DIAPH2: variants seen among roughly 807,000 people sequenced by gnomAD.
DIAPH2 encodes diaphanous related formin 2, also known as protein diaphanous homolog 2.
Under a neutral mutation model 92.7 loss-of-function variants are expected in DIAPH2, and 35 were observed. The observed-to-expected ratio is 0.38, with a 90% CI of 0.29 to 0.50. DIAPH2 has a LOEUF of 0.50. DIAPH2 is among the 20% of genes least tolerant of loss of function. The pLI is 0.94. For missense variants in DIAPH2, 701 were observed against 819.5 expected (o/e 0.86, Z 1.77); for synonymous variants, 301 against 280.4 (o/e 1.07, Z -0.73).
At chrX:97,053,706 T>G (rs139390573) in intron 17 of DIAPH2, among the ~76,000 whole-genome samples, 3 of 111,722 alleles carry the variant, frequency 2.7e-5, no homozygotes, top group African/African-American at 9.7e-5. Context: ...TTTCACACAA[T>G]TCTTCCCTTC....
chrX:97,108,887 G>A (rs2066960453), intron 20 of DIAPH2, among the ~76,000 whole-genome samples: 1 of 111,155 alleles, frequency 9.0e-6, no homozygotes, highest in Non-Finnish European at 1.9e-5. Context: ...GGGTTTGGGG[G>A]AAAAGATAAG....
intron 4 of DIAPH2, among the ~76,000 whole-genome samples, chrX:96,810,538 C>T (rs1281711395): frequency 6.3e-5 from 7 of 111,598 alleles, no homozygotes; most frequent in Non-Finnish European, 1.3e-4. Context: ...TCCCATTTGT[C>T]AATTTTGGCT....
intron 5 of DIAPH2, among the ~76,000 whole-genome samples, chrX:96,891,652 A>G (rs886704646): frequency 8.9e-6 from 1 of 112,447 alleles, no homozygotes; most frequent in Admixed American, 9.4e-5. Flanking sequence ...AGCACATGAC[A>G]AAAACAGCAA....
rs187831374 is a variant in DIAPH2 at position 96,919,915 on chromosome X, A to G, written c.978+1298A>G. ...TATTTATTTATTAAGATGGAGTCTC[A>G]CTCTGTTGCTCAGGCTGGAGTGCGA... On this transcript the variant is annotated intron_variant, in intron 9 of 26. Coordinates refer to ENST00000324765, the MANE Select transcript of DIAPH2 (RefSeq NM_006729.5). 6.8e-3 allele frequency among the ~76,000 whole-genome samples: 727 copies of G among 107,455 alleles called. 7 individuals are homozygous for G. The highest frequency in any genetic ancestry group is 0.024 in the African/African-American group (704 of 29,501). 93.3% of individuals were successfully genotyped at this position (107,455 alleles called of 115,157 possible). A position where few individuals can be genotyped will look rare whatever the true frequency, so the allele number is the denominator to read the frequency against.
At chrX:97,139,917 T>A (rs1470200775) in intron 21 of DIAPH2, among the ~76,000 whole-genome samples, 1 of 111,440 alleles carries the variant, frequency 9.0e-6, no homozygotes, top group Non-Finnish European at 1.9e-5. Context: ...TTATATTTCC[T>A]TTCCAGTGTT....
intron 23 of DIAPH2, among the ~76,000 whole-genome samples, chrX:97,279,511 C>T (rs1216492882): frequency 9.1e-6 from 1 of 109,798 alleles, no homozygotes; most frequent in Non-Finnish European, 1.9e-5. Context: ...ACCATGTTGG[C>T]CAGGCTGGTC....
chrX:96,854,555 C>T (rs2065024689), intron 4 of DIAPH2, among the ~76,000 whole-genome samples: 1 of 92,875 alleles, frequency 1.1e-5, no homozygotes. Context: ...TTCTCTCTCT[C>T]TGTAGTGTAT....
chrX:97,544,592 A>G (rs1174743498), intron 26 of DIAPH2, among the ~76,000 whole-genome samples: 2 of 111,887 alleles, frequency 1.8e-5, no homozygotes, highest in African/African-American at 6.5e-5. Flanking sequence ...CTAAAAGCCT[A>G]TACAGAAGTA....
chrX:96,852,415 G>C (rs1334523413), intron 4 of DIAPH2, among the ~76,000 whole-genome samples: 1 of 112,216 alleles, frequency 8.9e-6, no homozygotes, highest in Non-Finnish European at 1.9e-5. Context: ...GGTGTTCACA[G>C]TTTCTATGAG....
chrX:97,445,250 CT>C lies in DIAPH2; in HGVS notation c.3241+15506del, dbSNP rs751794917. On this transcript the variant is annotated intron_variant, in intron 26 of 26. Coordinates refer to ENST00000324765, the MANE Select transcript of DIAPH2 (RefSeq NM_006729.5). Reference sequence around the variant, plus strand: ...GAAAATATTATGGGCAAGTTGAATGCTGTCCACACAGATTGTAAGCATTATA... The same window carrying C: ...GAAAATATTATGGGCAAGTTGAATGCGTCCACACAGATTGTAAGCATTATA... Among the ~76,000 whole-genome samples the C allele has an allele frequency of 4.3e-3, 482 of 111,483 alleles. 2 individuals carry two copies. The highest frequency in any genetic ancestry group is 8.0e-3 in the Admixed American group (84 of 10,523).
intron 17 of DIAPH2, among the ~76,000 whole-genome samples, chrX:97,046,527 A>T (rs1267669432): frequency 8.9e-6 from 1 of 111,840 alleles, no homozygotes; most frequent in Non-Finnish European, 1.9e-5. Context: ...CATTTGAAAA[A>T]ATGTGAAGTA....
At chrX:96,803,112 A>C (rs1186429015) in intron 4 of DIAPH2, among the ~76,000 whole-genome samples, 1 of 110,707 alleles carries the variant, frequency 9.0e-6, no homozygotes, top group Admixed American at 9.6e-5. Flanking sequence ...CACTGACTCA[A>C]ATGTTAATCT....
chrX:97,036,144 G>T (rs1278925151), intron 17 of DIAPH2, among the ~76,000 whole-genome samples: 1 of 111,494 alleles, frequency 9.0e-6, no homozygotes, highest in Non-Finnish European at 1.9e-5. Context: ...GAATTTAAAA[G>T]AATTTTTGAT....
intron 26 of DIAPH2, among the ~76,000 whole-genome samples, chrX:97,492,493 A>G (rs2147823221): frequency 9.0e-6 from 1 of 111,093 alleles, no homozygotes; most frequent in Admixed American, 9.6e-5. Context: ...ATGCTTGCCC[A>G]TACCAGTGTG....
chrX:97,300,943 AAAAAAAAAAAAAAAAAAAAAAAGAAG>A (rs1569355896), intron 23 of DIAPH2, among the ~76,000 whole-genome samples: 1 of 48,956 alleles, frequency 2.0e-5, no homozygotes, highest in African/African-American at 6.9e-5. Flanking sequence ...AAAAAAAAAA[AAAAAAAAAAAAAAAAAAAAAAAGAAG>A]AAGAAGAATG....
chrX:96,914,665 G>GC (rs975972731), intron 7 of DIAPH2, among the ~76,000 whole-genome samples: 3 of 109,680 alleles, frequency 2.7e-5, no homozygotes, highest in African/African-American at 9.9e-5. Context: ...TTCTTATAGA[G>GC]CCCTTTTTTT....
chrX:97,336,986 C>A (rs2069068406), intron 23 of DIAPH2, among the ~76,000 whole-genome samples: 1 of 110,970 alleles, frequency 9.0e-6, no homozygotes, highest in African/African-American at 3.3e-5. Flanking sequence ...GGGGTCATTG[C>A]AGAATGTTTT....
At position 97,330,413 on chromosome X, in the gene DIAPH2, G is replaced by A. The variant is rs372841032; in HGVS notation, c.2845-17703G>A. ...ACTACTTTAGATACTTCATATAAGTGGAATCATACAGTATTTGTCCTGTGA... is the reference window on the plus strand; with the variant it reads ...ACTACTTTAGATACTTCATATAAGTAGAATCATACAGTATTTGTCCTGTGA... On this transcript the variant is annotated intron_variant, in intron 23 of 26. Coordinates refer to ENST00000324765, the MANE Select transcript of DIAPH2 (RefSeq NM_006729.5). 4.6e-4 allele frequency among the ~76,000 whole-genome samples: 51 copies of A among 110,637 alleles called. No homozygotes were observed. The East Asian group carries it at 8.8e-3, about 19-fold the overall frequency.
At chrX:97,489,987 TG>T (rs1242441886) in intron 26 of DIAPH2, among the ~76,000 whole-genome samples, 3 of 111,920 alleles carry the variant, frequency 2.7e-5, no homozygotes, top group African/African-American at 9.7e-5. Context: ...TAAAAAGTGT[TG>T]GGGTTAATTC....
Sources: gnomAD v4.1 joint callset for allele counts (sites outside exome capture counted in the v4.1 genomes callset) on GRCh38, gnomAD v4.1.1 for gene constraint, MANE v1.5 for transcripts, NCBI Gene and HGNC (gene_info 2026-07-23, HGNC 2026-07-21) for gene names.